The following CRYL1 variants were observed in gnomAD, a reference collection of about 807,000 sequenced individuals.
The protein encoded by CRYL1 is lambda-crystallin homolog.
Under a neutral mutation model 36.6 loss-of-function variants are expected in CRYL1, and 29 were observed. That is an observed-to-expected ratio of 0.79 (90% CI 0.59 to 1.08). The LOEUF (loss-of-function observed/expected upper bound fraction) is 1.08. Ranked by LOEUF, CRYL1 falls within the 50% of genes least tolerant of loss-of-function variation. CRYL1 has a pLI of 0.00. For missense variants in CRYL1, 411 were observed against 407.9 expected (o/e 1.01, Z -0.06); for synonymous variants, 152 against 151.5 (o/e 1.00, Z -0.02).
chr13:20,421,500 T>G (rs1338908833), intron 5 of CRYL1, among the ~76,000 whole-genome samples: 1 of 152,172 alleles, frequency 6.6e-6, no homozygotes, highest in Non-Finnish European at 1.5e-5. Context: ...CCCATAGGGC[T>G]CCAGTGGCCT....
intron 3 of CRYL1, among the ~76,000 whole-genome samples, chr13:20,440,425 T>TA (rs1168623882): frequency 6.6e-6 from 1 of 152,152 alleles, no homozygotes; most frequent in Non-Finnish European, 1.5e-5. Flanking sequence ...TGCTGGAAAA[T>TA]ACGATAAATC....
At chr13:20,505,359 C>CAAAAAAAAAAAAAAAA (rs61380702) in intron 2 of CRYL1, among the ~76,000 whole-genome samples, 1,031 of 90,992 alleles carry the variant, frequency 0.011, 42 homozygotes, top group Non-Finnish European at 0.017. Flanking sequence ...TCTATCCCAC[C>CAAAAAAAAAAAAAAAA]AAAAAAAAAA....
rs1391388180 is a variant in CRYL1, at chr13:20,498,364, C to A, written c.150-8868G>T. 5.4e-5 allele frequency among the ~76,000 whole-genome samples: 6 copies of A among 110,590 alleles called. No homozygotes were observed. The Admixed American group carries it at 5.7e-4, about 11-fold the overall frequency. The allele number at this position is 110,590 out of a possible 152,430, so 72.6% of individuals were successfully genotyped here. On this transcript the variant is annotated intron_variant, in intron 2 of 7. Transcript: ENST00000298248. Reference sequence around the variant, plus strand: ...CCTCATACACACACTATACACACCACTTACACACACTACGCACACCACATA... The same window carrying A: ...CCTCATACACACACTATACACACCAATTACACACACTACGCACACCACATA...
intron 2 of CRYL1, among the ~76,000 whole-genome samples, chr13:20,508,792 C>T (rs9552218): frequency 0.52 from 73,188 of 140,966 alleles, 20,991 homozygotes; most frequent in East Asian, 0.81. Flanking sequence ...GAGCTTGCAG[C>T]GAGCAGAGAT....
chr13:20,521,938 G>A (rs750077831), intron 1 of CRYL1, among the ~76,000 whole-genome samples: 1 of 152,182 alleles, frequency 6.6e-6, no homozygotes, highest in South Asian at 2.1e-4. Flanking sequence ...TAGTGTCTAA[G>A]CTGACTCAAA....
At chr13:20,506,521 T>C (rs2033797828) in intron 2 of CRYL1, among the ~76,000 whole-genome samples, 1 of 152,020 alleles carries the variant, frequency 6.6e-6, no homozygotes. Context: ...AGGAAAGCCT[T>C]TAACCTGGTT....
chr13:20,479,195 A>G (rs1467347273), intron 3 of CRYL1, among the ~76,000 whole-genome samples: 1 of 152,230 alleles, frequency 6.6e-6, no homozygotes, highest in African/African-American at 2.4e-5. Flanking sequence ...ATGATGCCAC[A>G]TTGGTTGTTG....
intron 3 of CRYL1, among the ~76,000 whole-genome samples, chr13:20,442,048 T>C (rs563656485): frequency 1.3e-4 from 20 of 152,332 alleles, no homozygotes; most frequent in African/African-American, 4.8e-4. Context: ...CCTGGATCAG[T>C]TAAGCCTGCA....
At chr13:20,463,271 A>G (rs2032868480) in intron 3 of CRYL1, among the ~76,000 whole-genome samples, 1 of 151,996 alleles carries the variant, frequency 6.6e-6, no homozygotes, top group South Asian at 2.1e-4. Flanking sequence ...ACCAAACTCC[A>G]CCTCCAAGAG....
chr13:20,448,905 T>C (rs2313865), intron 3 of CRYL1, among the ~76,000 whole-genome samples: 113,795 of 152,178 alleles, frequency 0.75, 42,925 homozygotes, highest in Admixed American at 0.81. Context: ...TGGTGGCTCA[T>C]GCCTATAATC....
rs2032060376 is a variant in CRYL1, at chr13:20,431,577, T to G, written c.633+525A>C. ...ATTTCTTCACCTCCATGTAAAATCC[T>G]TTCATTAGAGGATGATGTTAAATAT... On this transcript the variant is annotated intron_variant, in intron 5 of 7. Coordinates refer to ENST00000298248, the MANE Select transcript of CRYL1 (RefSeq NM_015974.3). The G allele has an allele frequency of 7.9e-6, 8 of 1,012,554 alleles. No individual in the cohort carries two copies. In the Admixed American group the frequency reaches 4.3e-4, roughly 54 times the overall value. The allele number at this position is 1,012,554 out of a possible 1,614,324, so 62.7% of individuals were successfully genotyped here. A position where few individuals can be genotyped will look rare whatever the true frequency, so the allele number is the denominator to read the frequency against.
At chr13:20,491,925 T>C (rs1268813184) in intron 2 of CRYL1, among the ~76,000 whole-genome samples, 1 of 152,208 alleles carries the variant, frequency 6.6e-6, no homozygotes, top group Non-Finnish European at 1.5e-5. Flanking sequence ...AGATTAGAAA[T>C]TTAAGATTTC....
At chr13:20,439,514 C>CAAAAAAAAAAAAAGAAAAA in intron 4 of CRYL1, 79 bp downstream of exon 4, 1 of 330,904 alleles carries the variant, frequency 3.0e-6, no homozygotes, top group Non-Finnish European at 4.6e-6. Context: ...CCCTCCCCCG[C>CAAAAAAAAAAAAAGAAAAA]AAAAAAAAAA....
rs536424365 is a variant in CRYL1 at position 20,478,751 on chromosome 13, A to G, written c.276+10619T>C. 2.8e-4 allele frequency among the ~76,000 whole-genome samples: 43 copies of G among 152,026 alleles called. No homozygotes were observed. The East Asian group carries it at 5.8e-3, about 21-fold the overall frequency. ...TGTGGCCTCCCCATGTTCTGGGATC[A>G]CAGGCATGAGCCACCACATCCAGCC... is the stretch of plus-strand genomic sequence containing the variant. On this transcript the variant is annotated intron_variant, in intron 3 of 7. Transcript: ENST00000298248.
intron 5 of CRYL1, among the ~76,000 whole-genome samples, chr13:20,413,845 G>T (rs1486238773): frequency 1.3e-5 from 2 of 152,094 alleles, no homozygotes; most frequent in Non-Finnish European, 2.9e-5. Flanking sequence ...ATAGTGTTTT[G>T]ATTGAATTTT....
At chr13:20,524,072 G>A (rs1293392877) in intron 1 of CRYL1, among the ~76,000 whole-genome samples, 3 of 152,150 alleles carry the variant, frequency 2.0e-5, no homozygotes, top group Non-Finnish European at 4.4e-5. Flanking sequence ...GCAAGATGGT[G>A]AGACCCCATC....
rs76855211 is a variant in CRYL1, at chr13:20,479,905, C to T, written c.276+9465G>A. Among the ~76,000 whole-genome samples the T allele has an allele frequency of 5.7e-3, 868 of 152,280 alleles. 5 individuals carry two copies. The highest frequency in any genetic ancestry group is 0.019 in the African/African-American group (771 of 41,550). On this transcript the variant is annotated intron_variant, in intron 3 of 7. Transcript: ENST00000298248. ...CTGGGGCTGCCCCTGCGCTCTCCCA[C>T]GGCACACAGTTCATCAAGAAGTCAT...
intron 5 of CRYL1, among the ~76,000 whole-genome samples, chr13:20,414,947 C>G (rs2031620194): frequency 6.6e-6 from 1 of 152,234 alleles, no homozygotes; most frequent in South Asian, 2.1e-4. Flanking sequence ...ATCCGCCGCC[C>G]CAGGTCTCAT....
rs766916866 is a variant in CRYL1, at chr13:20,413,341, C to G, written c.680G>C (p.Gly227Ala). 6.2e-7 allele frequency: 1 copy of G among 1,613,826 alleles called. No homozygotes were observed. The highest frequency in any genetic ancestry group is 2.2e-5 in the East Asian group (1 of 44,850). The change falls in exon 6 of 8, where the codon GGG becomes GCG. Residue 227 changes from glycine to alanine, a missense_variant. Transcript: ENST00000298248. ...PSDLDLVMSE[G>A]LGMRYAFIGP... ...AATGAATGCATACCGCATGCCCAAC[C>G]CTTCTGACATGACAAGGTCCAGGTC...
Sources: allele counts gnomAD v4.1 joint callset (sites outside exome capture counted in the v4.1 genomes callset), GRCh38; gene constraint gnomAD v4.1.1; transcripts MANE v1.5; gene names NCBI Gene and HGNC (gene_info 2026-07-23, HGNC 2026-07-21).